The following AGMO variants were observed in gnomAD, a reference collection of about 807,000 sequenced individuals.
AGMO encodes glyceryl-ether monooxygenase.
A neutral mutation model predicts 60.2 loss-of-function variants in AGMO; 75 were observed. The ratio of observed to expected loss-of-function variants is 1.25; its 90% CI spans 1.03 to 1.51. The LOEUF (loss-of-function observed/expected upper bound fraction) is 1.51, where lower values mean the gene tolerates loss of function less well. AGMO is among the 40% of genes most tolerant of loss of function. The pLI is 0.00. For synonymous variants in AGMO, 261 were observed against 177.1 expected (o/e 1.47, Z -3.76); for missense variants, 763 against 525.5 (o/e 1.45, Z -4.42).
intron 12 of AGMO, among the ~76,000 whole-genome samples, chr7:15,318,391 G>C (rs1274661593): frequency 6.6e-6 from 1 of 152,030 alleles, no homozygotes; most frequent in African/African-American, 2.4e-5. Flanking sequence ...GATTTCTGCT[G>C]AAAAAGATAT....
At chr7:15,384,914 A>G (rs1387346383) in intron 10 of AGMO, among the ~76,000 whole-genome samples, 1 of 150,126 alleles carries the variant, frequency 6.7e-6, no homozygotes, top group Non-Finnish European at 1.5e-5. Flanking sequence ...TTTGTGGCCA[A>G]AAAAAAATGA....
intron 12 of AGMO, among the ~76,000 whole-genome samples, chr7:15,287,986 T>A (rs1784147751): frequency 6.6e-6 from 1 of 152,166 alleles, no homozygotes; most frequent in Non-Finnish European, 1.5e-5. Flanking sequence ...AGCTGTCACT[T>A]TCTAAAAATG....
chr7:15,523,410 T>C (rs578195570), intron 3 of AGMO, among the ~76,000 whole-genome samples: 4 of 152,116 alleles, frequency 2.6e-5, no homozygotes, highest in Admixed American at 1.3e-4. Flanking sequence ...CTATTTACAA[T>C]AGCAAAGACT....
intron 3 of AGMO, among the ~76,000 whole-genome samples, chr7:15,511,243 T>A (rs146946320): frequency 6.6e-6 from 1 of 152,004 alleles, no homozygotes. Context: ...TGCAGGACCA[T>A]GTAGACATGC....
rs567024608 is a variant in AGMO, at chr7:15,271,068, A to G, written c.1264-69709T>C. Among the ~76,000 whole-genome samples, 5 of 151,908 alleles carry G rather than the reference A, an allele frequency of 3.3e-5. 2 individuals are homozygous for G. In the South Asian group the frequency reaches 1.0e-3, roughly 32 times the overall value. Reference sequence around the variant, plus strand: ...CCATGCTGTTGATGTTCTAGTTACTACGGCCTTGTAATATAATTTGAACTC... The same window carrying G: ...CCATGCTGTTGATGTTCTAGTTACTGCGGCCTTGTAATATAATTTGAACTC... On this transcript the variant is annotated intron_variant, in intron 12 of 12. Transcript: ENST00000342526.
chr7:15,145,902 T>C, the AGMO span, among the ~76,000 whole-genome samples: 1 of 152,170 alleles, frequency 6.6e-6, no homozygotes, highest in African/African-American at 2.4e-5. Context: ...TGTTTTAAAG[T>C]ATTGTTTATC....
At chr7:15,292,037 A>G (rs541840434) in intron 12 of AGMO, among the ~76,000 whole-genome samples, 1 of 150,294 alleles carries the variant, frequency 6.7e-6, no homozygotes, top group Admixed American at 6.7e-5. Flanking sequence ...TCTAAGGTGA[A>G]TTTAGACTAT....
At chr7:15,451,329 T>C (rs1380716616) in intron 3 of AGMO, among the ~76,000 whole-genome samples, 3 of 152,136 alleles carry the variant, frequency 2.0e-5, no homozygotes, top group South Asian at 2.1e-4. Context: ...CCAATCTTTA[T>C]AAAATTGGTG....
At chr7:15,252,156 A>G (rs1481425853) in intron 12 of AGMO, among the ~76,000 whole-genome samples, 1 of 152,232 alleles carries the variant, frequency 6.6e-6, no homozygotes, top group African/African-American at 2.4e-5. Context: ...TACAATAATC[A>G]CAATAACAAA....
the AGMO span, among the ~76,000 whole-genome samples, chr7:15,176,029 ATGT>A: frequency 5.9e-4 from 90 of 152,130 alleles, no homozygotes; most frequent in South Asian, 0.014. Flanking sequence ...TAGCGATGTA[ATGT>A]TGTTGGGAGC....
chr7:15,234,468 G>A (rs934840297), intron 12 of AGMO, among the ~76,000 whole-genome samples: 3 of 152,130 alleles, frequency 2.0e-5, no homozygotes, highest in African/African-American at 7.2e-5. Context: ...TTCAAGATAC[G>A]CTAAGAGAAC....
chr7:15,438,040 A>T (rs12699714), intron 3 of AGMO, among the ~76,000 whole-genome samples: 76,023 of 151,854 alleles, frequency 0.5, 19,113 homozygotes, highest in Middle Eastern at 0.56. Context: ...TGCAGAATTT[A>T]AAAAAGATGT....
intron 5 of AGMO, chr7:15,396,081 G>C (rs1181441901): frequency 6.6e-6 from 1 of 152,204 alleles, no homozygotes; most frequent in African/African-American, 2.4e-5. Context: ...CTGTTGCCCA[G>C]CTGCTAAGGG....
chr7:15,352,282 CT>C (rs1782269141), intron 12 of AGMO, among the ~76,000 whole-genome samples: 1 of 152,030 alleles, frequency 6.6e-6, no homozygotes, highest in African/African-American at 2.4e-5. Context: ...CTTGTCCTGC[CT>C]ATTTAAAAAA....
chr7:15,350,917 G>C (rs1263495666), intron 12 of AGMO, among the ~76,000 whole-genome samples: 2 of 152,280 alleles, frequency 1.3e-5, no homozygotes, highest in Non-Finnish European at 2.9e-5. Flanking sequence ...ACATTGTTCA[G>C]TGTTGTTTCT....
At chr7:15,242,054 CCAGA>C (rs1225343451) in intron 12 of AGMO, among the ~76,000 whole-genome samples, 6 of 152,080 alleles carry the variant, frequency 3.9e-5, no homozygotes, top group South Asian at 2.1e-4. Context: ...TCTTCTGTTA[CCAGA>C]CAGAGAAAAC....
intron 12 of AGMO, among the ~76,000 whole-genome samples, chr7:15,314,029 G>A (rs973372426): frequency 6.6e-6 from 1 of 151,968 alleles, no homozygotes; most frequent in Non-Finnish European, 1.5e-5. Context: ...TTTGTCAGAA[G>A]GATCAGCTGC....
At chr7:15,177,126 T>C in the AGMO span, among the ~76,000 whole-genome samples, 1 of 152,076 alleles carries the variant, frequency 6.6e-6, no homozygotes, top group Non-Finnish European at 1.5e-5. Flanking sequence ...TAAAAACATT[T>C]TTTTTGGATC....
At chr7:15,201,694 T>C (rs545465337) in intron 12 of AGMO, among the ~76,000 whole-genome samples, 4 of 152,292 alleles carry the variant, frequency 2.6e-5, no homozygotes, top group Admixed American at 2.0e-4. Context: ...GTATGCATTA[T>C]ACTAGATGAT....
Sources: allele counts gnomAD v4.1 joint callset (sites outside exome capture counted in the v4.1 genomes callset), GRCh38; gene constraint gnomAD v4.1.1; transcripts MANE v1.5; gene names NCBI Gene and HGNC (gene_info 2026-07-23, HGNC 2026-07-21).